Variants in SNAP25 observed in about 807,000 individuals in gnomAD.
The protein encoded by SNAP25 is synaptosomal-associated protein 25.
Under a neutral mutation model 28.7 loss-of-function variants are expected in SNAP25, and 3 were observed. The observed-to-expected ratio is 0.10, with a 90% CI of 0.05 to 0.27. SNAP25 has a LOEUF of 0.27. Among genes scored for constraint, SNAP25 ranks in the 10% least tolerant of loss-of-function variants. The pLI, the probability that SNAP25 is intolerant of heterozygous loss-of-function variation, is 1.00. For missense variants in SNAP25, 117 were observed against 278.7 expected, an observed-to-expected ratio of 0.42 and a Z score of 4.13; for synonymous variants, 61 against 88.1, an observed-to-expected ratio of 0.69 and a Z score of 1.72.
chr20:10,257,465 C>G (rs890397162), intron 1 of SNAP25, among the ~76,000 whole-genome samples: 21 of 152,128 alleles, frequency 1.4e-4, no homozygotes, highest in Non-Finnish European at 2.9e-4. Flanking sequence ...CCTGTCCCAG[C>G]ACTTTGGGAG....
chr20:10,285,237 G>A (rs1157990439), intron 4 of SNAP25, among the ~76,000 whole-genome samples: 1 of 152,020 alleles, frequency 6.6e-6, no homozygotes, highest in Admixed American at 6.6e-5. Context: ...AAATACCTGG[G>A]AGCTGTTTTT....
intron 4 of SNAP25, among the ~76,000 whole-genome samples, chr20:10,288,942 T>C (rs1440097496): frequency 6.6e-6 from 1 of 152,200 alleles, no homozygotes; most frequent in Non-Finnish European, 1.5e-5. Context: ...CTTTACTTGT[T>C]TAGATCAGTA....
intron 1 of SNAP25, among the ~76,000 whole-genome samples, chr20:10,274,166 G>T (rs991661263): frequency 1.3e-5 from 2 of 152,054 alleles, no homozygotes; most frequent in Non-Finnish European, 2.9e-5. Context: ...GGCTCTCTCC[G>T]GAATAGACCC....
At chr20:10,245,416 A>G (rs1189580979) in intron 1 of SNAP25, among the ~76,000 whole-genome samples, 2 of 152,194 alleles carry the variant, frequency 1.3e-5, no homozygotes, top group Admixed American at 1.3e-4. Flanking sequence ...TCCACAGTCA[A>G]CATCAATCCA....
At chr20:10,267,037 C>T (rs8116632) in intron 1 of SNAP25, among the ~76,000 whole-genome samples, 16,057 of 152,000 alleles carry the variant, frequency 0.11, 1,200 homozygotes, top group African/African-American at 0.2. Flanking sequence ...AAATTCCAAA[C>T]AGTAAAAATC....
At chr20:10,294,486 A>C (rs1270839160) in intron 5 of SNAP25, among the ~76,000 whole-genome samples, 1 of 152,196 alleles carries the variant, frequency 6.6e-6, no homozygotes, top group African/African-American at 2.4e-5. Flanking sequence ...AAAGAAAAAA[A>C]ATCACATCAG....
intron 1 of SNAP25, among the ~76,000 whole-genome samples, chr20:10,234,885 A>C (rs1167456484): frequency 1.3e-5 from 2 of 152,198 alleles, no homozygotes; most frequent in African/African-American, 4.8e-5. Flanking sequence ...AAAATAAAAT[A>C]ACATAAAATA....
intron 3 of SNAP25, among the ~76,000 whole-genome samples, chr20:10,281,583 T>G (rs986238983): frequency 1.3e-5 from 2 of 152,226 alleles, no homozygotes; most frequent in Admixed American, 6.5e-5. Context: ...AGTGGTTAAG[T>G]AGCTTGCTTG....
intron 1 of SNAP25, among the ~76,000 whole-genome samples, chr20:10,237,487 A>G (rs2062944554): frequency 6.6e-6 from 1 of 152,190 alleles, no homozygotes; most frequent in African/African-American, 2.4e-5. Flanking sequence ...GTGGGCACCA[A>G]CTGGCTGCTA....
chr20:10,233,338 T>A (rs2122682276), intron 1 of SNAP25, among the ~76,000 whole-genome samples: 1 of 149,234 alleles, frequency 6.7e-6, no homozygotes, highest in Admixed American at 6.6e-5. Flanking sequence ...TTAGGCCACA[T>A]CCCATGTAAG....
rs539301691 is a variant in SNAP25, at chr20:10,306,483, A to G, written c.*286A>G. On this transcript the variant is annotated 3_prime_UTR_variant, in exon 8 of 8. Transcript: ENST00000254976. ...TTTCTCTCCTCGGTGGCATTTGCTG[A>G]ATAACAACAATTTAGGAATGCTCAA... 10 of 304,892 alleles carry G rather than the reference A, an allele frequency of 3.3e-5. No individual in the cohort carries two copies. Among genetic ancestry groups the G allele is most frequent in the African/African-American group, 1.7e-4 (8 of 46,182 alleles). 18.9% of individuals were successfully genotyped at this position (304,892 alleles called of 1,614,324 possible).
At chr20:10,221,061 T>C (rs1396967728) in intron 1 of SNAP25, among the ~76,000 whole-genome samples, 7 of 152,198 alleles carry the variant, frequency 4.6e-5, no homozygotes, top group African/African-American at 1.7e-4. Context: ...CAGACAAAAA[T>C]AAACAACTGT....
At chr20:10,296,856 G>T (rs1415413387) in intron 5 of SNAP25, 69 bp from the exon 6 acceptor site, 1 of 1,604,778 alleles carries the variant, frequency 6.2e-7, no homozygotes, top group Non-Finnish European at 8.5e-7. Context: ...TTCGCTTGAA[G>T]AAGTGACAAT....
rs941608892 is a variant in SNAP25 at position 10,277,609 on chromosome 20, A to G, written c.73-76A>G. Reference sequence around the variant, plus strand: ...GACCCTTTGTGTTTCTCAAGTAAATAAAGTATTTCTGATTTTCCAAGATCT... The same window carrying G: ...GACCCTTTGTGTTTCTCAAGTAAATGAAGTATTTCTGATTTTCCAAGATCT... On this transcript the variant is annotated intron_variant, in intron 2 of 7. Transcript: ENST00000254976. The G allele has an allele frequency of 4.0e-6, 5 of 1,262,364 alleles. No individual in the cohort carries two copies. In the African/African-American group the frequency reaches 7.4e-5, roughly 19 times the overall value. The allele number at this position is 1,262,364 out of a possible 1,614,324, so 78.2% of individuals were successfully genotyped here.
chr20:10,231,136 A>C (rs2062822448), intron 1 of SNAP25, among the ~76,000 whole-genome samples: 1 of 145,852 alleles, frequency 6.9e-6, no homozygotes, highest in Non-Finnish European at 1.5e-5. Flanking sequence ...GTCACCCCCC[A>C]CACTTCCTGC....
rs3787284 is a variant in SNAP25, at chr20:10,291,905, T to C, written c.164-1256T>C. Among the ~76,000 whole-genome samples the C allele has an allele frequency of 1.4e-4, 21 of 152,368 alleles. No homozygotes were observed. The East Asian group carries it at 2.9e-3, about 21-fold the overall frequency. On this transcript the variant is annotated intron_variant, in intron 4 of 7. Coordinates refer to ENST00000254976, the MANE Select transcript of SNAP25 (RefSeq NM_130811.4). ...TAAAGCTGTTTTAAAAATCCTTTCA[T>C]TGAACTTGTAGTTATCTCAATTTGG... is the stretch of plus-strand genomic sequence containing the variant.
At chr20:10,266,866 G>A (rs1261723603) in intron 1 of SNAP25, among the ~76,000 whole-genome samples, 3 of 152,128 alleles carry the variant, frequency 2.0e-5, no homozygotes, top group African/African-American at 7.2e-5. Flanking sequence ...AAATTGACTA[G>A]GGAATTTAGA....
intron 1 of SNAP25, among the ~76,000 whole-genome samples, chr20:10,239,384 C>T (rs889419201): frequency 6.6e-6 from 1 of 152,136 alleles, no homozygotes; most frequent in Admixed American, 6.5e-5. Flanking sequence ...ACAGAGAGAA[C>T]GAAGGAGATA....
At chr20:10,289,934 A>G (rs2063962513) in intron 4 of SNAP25, among the ~76,000 whole-genome samples, 1 of 151,996 alleles carries the variant, frequency 6.6e-6, no homozygotes, top group Non-Finnish European at 1.5e-5. Flanking sequence ...TCATGGCAAA[A>G]GAAAGCCCAA....
Sources: allele counts gnomAD v4.1 joint callset (sites outside exome capture counted in the v4.1 genomes callset), GRCh38; gene constraint gnomAD v4.1.1; transcripts MANE v1.5; gene names NCBI Gene and HGNC (gene_info 2026-07-23, HGNC 2026-07-21).